The following CDH13 variants were observed in gnomAD, a reference collection of about 807,000 sequenced individuals.
CDH13 encodes cadherin 13, also known as cadherin-13.
CDH13 carries 24 observed loss-of-function variants against 63.8 expected under a neutral mutation model. The observed-to-expected ratio is 0.38, with a 90% CI of 0.27 to 0.53. The LOEUF (loss-of-function observed/expected upper bound fraction) is 0.53, where lower values mean the gene tolerates loss of function less well. CDH13 is among the 20% of genes least tolerant of loss of function. The pLI, the probability that CDH13 is intolerant of heterozygous loss-of-function variation, is 0.85. For missense variants in CDH13, 1,049 were observed against 903.1 expected, an observed-to-expected ratio of 1.16 and a Z score of -2.07; for synonymous variants, 503 against 355.3, an observed-to-expected ratio of 1.42 and a Z score of -4.67.
At chr16:82,747,409 T>G (rs987136514) in intron 1 of CDH13, among the ~76,000 whole-genome samples, 2 of 152,144 alleles carry the variant, frequency 1.3e-5, no homozygotes, top group African/African-American at 4.8e-5. Context: ...CATATAGTTT[T>G]TAGGTATAAA....
chr16:83,372,645 G>A (rs370910071), intron 6 of CDH13, among the ~76,000 whole-genome samples: 68 of 151,678 alleles, frequency 4.5e-4, no homozygotes, highest in African/African-American at 1.6e-3. Context: ...CCAGCTACTC[G>A]GGAGGCTGAA....
intron 3 of CDH13, among the ~76,000 whole-genome samples, chr16:83,072,797 C>G (rs2032534782): frequency 6.6e-6 from 1 of 152,136 alleles, no homozygotes; most frequent in African/African-American, 2.4e-5. Context: ...AATCCCAGAC[C>G]TTACCCCAGA....
intron 10 of CDH13, among the ~76,000 whole-genome samples, chr16:83,706,279 C>T (rs1410376212): frequency 1.3e-5 from 2 of 152,228 alleles, no homozygotes; most frequent in Non-Finnish European, 2.9e-5. Context: ...GCAGTGGTTT[C>T]TCTTTCGCCT....
intron 6 of CDH13, among the ~76,000 whole-genome samples, chr16:83,367,719 A>G (rs1389703428): frequency 6.6e-6 from 1 of 152,080 alleles, no homozygotes; most frequent in East Asian, 1.9e-4. Flanking sequence ...TGTGGTTTTG[A>G]TCTGATTTCC....
intron 6 of CDH13, among the ~76,000 whole-genome samples, chr16:83,437,969 C>T (rs1598019827): frequency 1.3e-5 from 2 of 152,170 alleles, no homozygotes; most frequent in South Asian, 2.1e-4. Context: ...CATCCATCCT[C>T]CTGGCCACTC....
At chr16:82,764,407 T>A (rs1230958568) in intron 1 of CDH13, among the ~76,000 whole-genome samples, 1 of 152,104 alleles carries the variant, frequency 6.6e-6, no homozygotes, top group Non-Finnish European at 1.5e-5. Flanking sequence ...CTTAGTGAAA[T>A]AAAACTAGAA....
intron 1 of CDH13, among the ~76,000 whole-genome samples, chr16:82,724,338 G>A (rs773525124): frequency 6.6e-6 from 1 of 151,962 alleles, no homozygotes; most frequent in Non-Finnish European, 1.5e-5. Context: ...ATTAATAATA[G>A]TTGTCTTTTG....
intron 6 of CDH13, among the ~76,000 whole-genome samples, chr16:83,355,910 G>A (rs2091043612): frequency 1.3e-5 from 2 of 152,160 alleles, no homozygotes; most frequent in African/African-American, 2.4e-5. Flanking sequence ...ACTGGATACT[G>A]GTCCAGGTTC....
At chr16:83,077,521 C>G (rs2032936641) in intron 3 of CDH13, among the ~76,000 whole-genome samples, 1 of 152,094 alleles carries the variant, frequency 6.6e-6, no homozygotes, top group South Asian at 2.1e-4. Context: ...TTCATTCATG[C>G]TCATACATCA....
chr16:82,936,419 G>T (rs1181282985), intron 2 of CDH13, among the ~76,000 whole-genome samples: 2 of 152,068 alleles, frequency 1.3e-5, no homozygotes, highest in African/African-American at 4.8e-5. Flanking sequence ...AGAATGTAAT[G>T]CCTGATGATC....
At chr16:83,569,678 G>A (rs902339830) in intron 7 of CDH13, among the ~76,000 whole-genome samples, 14 of 151,996 alleles carry the variant, frequency 9.2e-5, no homozygotes, top group Admixed American at 2.6e-4. Context: ...ACTCAGAGAC[G>A]TCCAGGCATC....
At chr16:83,593,733 T>C (rs1348272076) in intron 7 of CDH13, among the ~76,000 whole-genome samples, 1 of 152,186 alleles carries the variant, frequency 6.6e-6, no homozygotes, top group Non-Finnish European at 1.5e-5. Flanking sequence ...ATAGCTATGA[T>C]GTCCCAGGCA....
chr16:83,658,472 A>G (rs1598426307), intron 8 of CDH13, among the ~76,000 whole-genome samples: 2 of 130,870 alleles, frequency 1.5e-5, no homozygotes, highest in African/African-American at 3.0e-5. Context: ...CCATGTCCTC[A>G]CCACCAGGTC....
At chr16:83,169,185 C>CTTTTTTTT (rs148647688) in intron 4 of CDH13, among the ~76,000 whole-genome samples, 1 of 148,614 alleles carries the variant, frequency 6.7e-6, no homozygotes. Context: ...CTTAGGTTTC[C>CTTTTTTTT]TTTTTTTTTT....
intron 10 of CDH13, among the ~76,000 whole-genome samples, chr16:83,716,835 A>T (rs1908983685): frequency 6.6e-6 from 1 of 152,062 alleles, no homozygotes; most frequent in African/African-American, 2.4e-5. Context: ...AGTCCTTTTC[A>T]TTCTCTCTAA....
chr16:83,120,634 G>A (rs897241331), intron 3 of CDH13, among the ~76,000 whole-genome samples: 4 of 151,952 alleles, frequency 2.6e-5, no homozygotes, highest in African/African-American at 9.7e-5. Flanking sequence ...TTTTAATAAT[G>A]AATGATATTC....
chr16:83,262,497 C>G (rs1907110164), intron 5 of CDH13, among the ~76,000 whole-genome samples: 1 of 152,112 alleles, frequency 6.6e-6, no homozygotes, highest in Non-Finnish European at 1.5e-5. Flanking sequence ...TGGGGTTTTT[C>G]TAATTATACC....
intron 1 of CDH13, among the ~76,000 whole-genome samples, chr16:82,681,461 T>A (rs1914536921): frequency 6.6e-6 from 1 of 152,202 alleles, no homozygotes; most frequent in African/African-American, 2.4e-5. Flanking sequence ...GTTCCAGATG[T>A]CATTAATGGC....
chr16:82,996,495 G>C (rs1024230594), intron 2 of CDH13, among the ~76,000 whole-genome samples: 3 of 152,164 alleles, frequency 2.0e-5, no homozygotes, highest in African/African-American at 7.2e-5. Flanking sequence ...CATTAGAAAT[G>C]TGTGATTTCT....
Sources: allele counts gnomAD v4.1 joint callset (sites outside exome capture counted in the v4.1 genomes callset), GRCh38; gene constraint gnomAD v4.1.1; transcripts MANE v1.5; gene names NCBI Gene and HGNC (gene_info 2026-07-23, HGNC 2026-07-21).